The following ZNF385B variants were observed in gnomAD, a reference collection of about 807,000 sequenced individuals.
ZNF385B encodes the protein zinc finger protein 533.
A neutral mutation model predicts 39.2 loss-of-function variants in ZNF385B; 23 were observed. The observed-to-expected ratio is 0.59, with a 90% CI of 0.42 to 0.83. ZNF385B has a LOEUF of 0.83. Ranked by LOEUF, ZNF385B falls within the 40% of genes least tolerant of loss-of-function variation. ZNF385B has a pLI of 0.00. For synonymous variants in ZNF385B, 205 were observed against 222.6 expected, an observed-to-expected ratio of 0.92 and a Z score of 0.70; for missense variants, 552 against 598.9, an observed-to-expected ratio of 0.92 and a Z score of 0.82.
Position 179,623,204 on chromosome 2 carries a change from C to G in ZNF385B, c.299-78235G>C, listed in dbSNP as rs1044142577. On this transcript the variant is annotated intron_variant, in intron 3 of 9. Coordinates refer to ENST00000410066, the MANE Select transcript of ZNF385B (RefSeq NM_152520.6). Reference sequence around the variant, plus strand: ...CCTTTTCTAGGTCCGGAGAATTTAGCTCCAAAAATCAATCAAGAACTCAAG... The same window carrying G: ...CCTTTTCTAGGTCCGGAGAATTTAGGTCCAAAAATCAATCAAGAACTCAAG... 2.6e-5 allele frequency among the ~76,000 whole-genome samples: 4 copies of G among 151,868 alleles called. No homozygotes were observed. In the East Asian group the frequency reaches 7.7e-4, roughly 29 times the overall value.
chr2:179,481,113 G>C (rs2053941007), intron 6 of ZNF385B: 1 of 152,146 alleles, frequency 6.6e-6, no homozygotes, highest in African/African-American at 2.4e-5. Flanking sequence ...CTCGTTCCTT[G>C]TTCACACCAC....
intron 1 of ZNF385B, among the ~76,000 whole-genome samples, chr2:179,777,507 C>T (rs567097311): frequency 6.6e-6 from 1 of 151,876 alleles, no homozygotes; most frequent in South Asian, 2.1e-4. Context: ...TAAACAAATA[C>T]TATTAGGATG....
Position 179,442,321 on chromosome 2 carries a change from T to C in ZNF385B, c.*929A>G, listed in dbSNP as rs2049046641. On this transcript the variant is annotated 3_prime_UTR_variant, in exon 10 of 10. Coordinates refer to ENST00000410066, the MANE Select transcript of ZNF385B (RefSeq NM_152520.6). ...GTTAAAAATGAAGAAGATACTTATA[T>C]AGAAATACATGGATTCATTGTCTTC... The C allele has an allele frequency of 1.3e-5, 2 of 152,666 alleles. No homozygotes were observed. Among genetic ancestry groups the C allele is most frequent in the African/African-American group, 4.8e-5 (2 of 41,460 alleles). 9.5% of individuals were successfully genotyped at this position (152,666 alleles called of 1,614,324 possible).
At chr2:179,695,885 T>A (rs1698699596) in intron 3 of ZNF385B, among the ~76,000 whole-genome samples, 2 of 152,210 alleles carry the variant, frequency 1.3e-5, no homozygotes, top group African/African-American at 2.4e-5. Flanking sequence ...GTGGCATATG[T>A]ATACAAAATG....
At chr2:179,528,616 CCTT>C (rs2059071142) in intron 4 of ZNF385B, among the ~76,000 whole-genome samples, 3 of 152,206 alleles carry the variant, frequency 2.0e-5, no homozygotes, top group Admixed American at 2.0e-4. Flanking sequence ...TTCACCATCT[CCTT>C]CTCTTTAGTG....
intron 1 of ZNF385B, among the ~76,000 whole-genome samples, chr2:179,781,325 C>T (rs556407921): frequency 6.6e-6 from 1 of 152,126 alleles, no homozygotes; most frequent in South Asian, 2.1e-4. Flanking sequence ...AAGGAAGAGT[C>T]CAAACACACA....
chr2:179,487,476 T>G (rs1288708469), intron 5 of ZNF385B, among the ~76,000 whole-genome samples: 1 of 152,220 alleles, frequency 6.6e-6, no homozygotes, highest in African/African-American at 2.4e-5. Context: ...GCTGGGCAAA[T>G]CTTCAAGTGA....
chr2:179,509,998 G>C (rs888444992), intron 5 of ZNF385B, among the ~76,000 whole-genome samples: 25 of 152,276 alleles, frequency 1.6e-4, no homozygotes, highest in African/African-American at 6.0e-4. Context: ...TTGCATGAGA[G>C]GCTACTATTT....
chr2:179,755,422 G>A (rs1702950883), intron 3 of ZNF385B, among the ~76,000 whole-genome samples: 1 of 152,208 alleles, frequency 6.6e-6, no homozygotes, highest in South Asian at 2.1e-4. Flanking sequence ...ATTTGGGGAG[G>A]AGAGTTCTGT....
chr2:179,737,435 C>T (rs1701831303), intron 3 of ZNF385B, among the ~76,000 whole-genome samples: 1 of 152,196 alleles, frequency 6.6e-6, no homozygotes, highest in South Asian at 2.1e-4. Flanking sequence ...ATGTGGCCCC[C>T]ACCTACTCAA....
At chr2:179,536,433 C>T (rs2059570016) in intron 4 of ZNF385B, 1 of 152,100 alleles carries the variant, frequency 6.6e-6, no homozygotes, top group South Asian at 2.1e-4. Context: ...GAAGATGAGG[C>T]CCCAGAACCA....
intron 3 of ZNF385B, chr2:179,745,686 T>C (rs999966245): frequency 1.3e-6 from 2 of 1,534,032 alleles, no homozygotes; most frequent in Non-Finnish European, 1.8e-6. Context: ...GACCCCAGCA[T>C]CCAAGTTTTA....
chr2:179,478,963 A>G (rs770459164), intron 6 of ZNF385B, among the ~76,000 whole-genome samples: 11 of 152,106 alleles, frequency 7.2e-5, no homozygotes, highest in Non-Finnish European at 1.6e-4. Context: ...TGTCTGGCCA[A>G]TATGTTCTAG....
chr2:179,815,152 A>G (rs1406636430), intron 1 of ZNF385B, among the ~76,000 whole-genome samples: 1 of 152,210 alleles, frequency 6.6e-6, no homozygotes, highest in East Asian at 1.9e-4. Flanking sequence ...CAATAGAGAG[A>G]GGAAGAGGAC....
chr2:179,747,540 A>T (rs1373393252), intron 3 of ZNF385B, among the ~76,000 whole-genome samples: 1 of 152,084 alleles, frequency 6.6e-6, no homozygotes, highest in Non-Finnish European at 1.5e-5. Context: ...GCCTCACCCA[A>T]CACACACATA....
intron 5 of ZNF385B, among the ~76,000 whole-genome samples, chr2:179,512,149 A>G (rs1018954544): frequency 7.9e-5 from 12 of 152,136 alleles, no homozygotes; most frequent in African/African-American, 2.9e-4. Context: ...GACTAAAAAG[A>G]TCACCATGCT....
intron 6 of ZNF385B, among the ~76,000 whole-genome samples, chr2:179,448,571 A>C (rs1472540175): frequency 6.6e-6 from 1 of 152,120 alleles, no homozygotes; most frequent in Non-Finnish European, 1.5e-5. Context: ...AGAACTTTAC[A>C]GTTTACAAAG....
chr2:179,515,739 C>T (rs917749817), intron 5 of ZNF385B, among the ~76,000 whole-genome samples: 2 of 151,802 alleles, frequency 1.3e-5, no homozygotes, highest in Non-Finnish European at 1.5e-5. Context: ...TATTTTGTGG[C>T]TCATATCATT....
intron 3 of ZNF385B, among the ~76,000 whole-genome samples, chr2:179,619,650 C>T (rs1690046275): frequency 6.6e-6 from 1 of 152,178 alleles, no homozygotes; most frequent in Non-Finnish European, 1.5e-5. Flanking sequence ...CTATATTTCT[C>T]CCTATGCAGT....
Sources: gnomAD v4.1 joint callset for allele counts (sites outside exome capture counted in the v4.1 genomes callset) on GRCh38, gnomAD v4.1.1 for gene constraint, MANE v1.5 for transcripts, NCBI Gene and HGNC (gene_info 2026-07-23, HGNC 2026-07-21) for gene names.